NUSAP1: variants seen among roughly 807,000 people sequenced by gnomAD.
The protein encoded by NUSAP1 is nucleolar and spindle associated protein 1.
NUSAP1 carries 32 observed loss-of-function variants against 52.8 expected under a neutral mutation model. The observed-to-expected ratio is 0.61, with a 90% CI of 0.46 to 0.81. NUSAP1 has a LOEUF of 0.81. Ranked by LOEUF, NUSAP1 falls within the 40% of genes least tolerant of loss-of-function variation. NUSAP1 has a pLI of 0.00. For missense variants in NUSAP1, 499 were observed against 522.3 expected (o/e 0.96, Z 0.43); for synonymous variants, 195 against 183.1 (o/e 1.06, Z -0.52).
chr15:41,343,425 G>C (rs2048435063), intron 2 of NUSAP1: 1 of 152,376 alleles, frequency 6.6e-6, no homozygotes, highest in Admixed American at 6.5e-5. Flanking sequence ...TGTGTTCTCA[G>C]CTCACTGCAA....
chr15:41,379,306 T>C (rs1428839918), intron 10 of NUSAP1, among the ~76,000 whole-genome samples: 2 of 151,816 alleles, frequency 1.3e-5, no homozygotes, highest in African/African-American at 4.8e-5. Context: ...TTTTTTTTTT[T>C]TTCTTAGAGA....
chr15:41,337,668 C>G (rs1199237838), intron 1 of NUSAP1, among the ~76,000 whole-genome samples: 1 of 152,170 alleles, frequency 6.6e-6, no homozygotes, highest in Non-Finnish European at 1.5e-5. Flanking sequence ...TGTGTTCCCT[C>G]TCTCCCCTCA....
intron 6 of NUSAP1, among the ~76,000 whole-genome samples, chr15:41,364,445 C>A (rs1005507593): frequency 6.6e-6 from 1 of 151,920 alleles, no homozygotes; most frequent in Non-Finnish European, 1.5e-5. Flanking sequence ...ATTTGGGAGG[C>A]TAAGGCAGGA....
At chr15:41,348,965 A>G (rs1019165761) in intron 2 of NUSAP1, 133 bp from the exon 3 acceptor site, 6 of 848,572 alleles carry the variant, frequency 7.1e-6, no homozygotes, top group African/African-American at 6.9e-5. Context: ...TTTGCCTACA[A>G]TTTACCGCTA....
At chr15:41,364,031 A>G (rs2049288449) in intron 6 of NUSAP1, among the ~76,000 whole-genome samples, 2 of 151,186 alleles carry the variant, frequency 1.3e-5, no homozygotes, top group Non-Finnish European at 3.0e-5. Flanking sequence ...AAGATCTCCT[A>G]ATGTTGCCCA....
chr15:41,349,769 T>TA (rs1190208546), intron 3 of NUSAP1, among the ~76,000 whole-genome samples: 3 of 147,882 alleles, frequency 2.0e-5, no homozygotes, highest in African/African-American at 7.4e-5. Flanking sequence ...TTCTTTTCTT[T>TA]TTTTTTTTTT....
chr15:41,365,086 T>G (rs941271094), intron 6 of NUSAP1, among the ~76,000 whole-genome samples: 1 of 152,150 alleles, frequency 6.6e-6, no homozygotes, highest in African/African-American at 2.4e-5. Context: ...AAATGAGGAA[T>G]GAAACAGGGA....
At chr15:41,379,992 T>C (rs771309066) in intron 10 of NUSAP1, 101 bp from the exon 11 acceptor site, 38 of 757,674 alleles carry the variant, frequency 5.0e-5, no homozygotes, top group Non-Finnish European at 7.5e-5. Flanking sequence ...GTATGCTGGA[T>C]GTCATTGCTT....
intron 7 of NUSAP1, among the ~76,000 whole-genome samples, chr15:41,369,150 A>G (rs2049551932): frequency 2.0e-5 from 3 of 152,050 alleles, no homozygotes; most frequent in African/African-American, 4.8e-5. Flanking sequence ...GGATGAAGCG[A>G]TCTTCCTGCC....
chr15:41,358,159 G>C lies in NUSAP1; in HGVS notation c.561G>C (p.Lys187Asn), dbSNP rs1270299758. The stretch of plus-strand genomic sequence containing the variant: ...ATTGGAACATTCTAGACTTTAAGAA[G>C]CTTCATGAAGCTCATTTTAAGGAAA... ...RTAITTPNFK[K>N]LHEAHFKEME... Residue 187 changes from lysine to asparagine, a missense_variant, in exon 6 of 11, where the codon AAG becomes AAC. Coordinates refer to ENST00000559596, the MANE Select transcript of NUSAP1 (RefSeq NM_016359.5). 3.4e-6 allele frequency: 5 copies of C among 1,479,446 alleles called. No individual in the cohort carries two copies. Among genetic ancestry groups the C allele is most frequent in the East Asian group, 4.5e-5 (2 of 44,096 alleles). 91.6% of individuals were successfully genotyped at this position (1,479,446 alleles called of 1,614,324 possible).
At chr15:41,337,939 T>C (rs1326149543) in intron 1 of NUSAP1, among the ~76,000 whole-genome samples, 1 of 142,602 alleles carries the variant, frequency 7.0e-6, no homozygotes, top group Non-Finnish European at 1.5e-5. Context: ...TTCTTTTTTT[T>C]TTTTTTTTTT....
chr15:41,356,775 A>C (rs984424514), intron 5 of NUSAP1, among the ~76,000 whole-genome samples: 1 of 152,238 alleles, frequency 6.6e-6, no homozygotes, highest in Non-Finnish European at 1.5e-5. Context: ...GAATCAATGT[A>C]TGAACTACTT....
chr15:41,334,800 G>A (rs2048058836), intron 1 of NUSAP1, among the ~76,000 whole-genome samples: 2 of 151,578 alleles, frequency 1.3e-5, no homozygotes, highest in Non-Finnish European at 1.5e-5. Flanking sequence ...CTCCCGCCAC[G>A]GCCTCCCGAA....
chr15:41,359,989 C>G (rs1477943727), intron 6 of NUSAP1, among the ~76,000 whole-genome samples: 1 of 151,504 alleles, frequency 6.6e-6, no homozygotes, highest in African/African-American at 2.4e-5. Context: ...GACTCAGTCT[C>G]ACTCTGTCAC....
intron 4 of NUSAP1, 36 bp from the exon 5 acceptor site, chr15:41,356,003 T>C (rs1350518079): frequency 7.3e-7 from 1 of 1,368,330 alleles, no homozygotes; most frequent in South Asian, 1.2e-5. Context: ...AGAACTTTTT[T>C]GAAATCCTTC....
intron 8 of NUSAP1, among the ~76,000 whole-genome samples, chr15:41,372,497 A>G (rs1012412219): frequency 1.3e-5 from 2 of 150,616 alleles, no homozygotes; most frequent in East Asian, 4.2e-4. Context: ...AATACTCTTA[A>G]ACATGTCTCC....
intron 6 of NUSAP1, among the ~76,000 whole-genome samples, chr15:41,363,475 G>C (rs2049269202): frequency 6.6e-6 from 1 of 151,836 alleles, no homozygotes; most frequent in African/African-American, 2.4e-5. Context: ...CCTGGGCTCA[G>C]GTGATCCTCA....
chr15:41,346,572 T>C (rs1464431569), intron 2 of NUSAP1, among the ~76,000 whole-genome samples: 1 of 151,944 alleles, frequency 6.6e-6, no homozygotes, highest in African/African-American at 2.4e-5. Context: ...CTCAGGCCTG[T>C]AATCCCAGCA....
Position 41,377,280 on chromosome 15 carries a change from A to C in NUSAP1, c.1208A>C (p.Tyr403Ser). The change falls in exon 10 of 11, where the codon TAC becomes TCC. Residue 403 changes from tyrosine to serine, a missense_variant. By Grantham distance (144) the Tyr-to-Ser change is moderately radical (BLOSUM62 -2). Transcript: ENST00000559596. Reference protein sequence around the residue: ...VNRINFYKKTYKQPHLQTKEE... With the variant: ...VNRINFYKKTSKQPHLQTKEE... The stretch of plus-strand genomic sequence containing the variant: ...AGAATTAACTTCTACAAGAAAACTT[A>C]CAAACAACCCCATCTCCAGACAAAG... 3 of 1,515,864 alleles carry C rather than the reference A, an allele frequency of 2.0e-6. No homozygotes were observed. The highest frequency in any genetic ancestry group is 2.7e-6 in the Non-Finnish European group (3 of 1,120,584). The allele number at this position is 1,515,864 out of a possible 1,614,324, so 93.9% of individuals were successfully genotyped here.
Sources: gnomAD v4.1 joint callset for allele counts (sites outside exome capture counted in the v4.1 genomes callset) on GRCh38, gnomAD v4.1.1 for gene constraint, MANE v1.5 for transcripts, NCBI Gene and HGNC (gene_info 2026-07-23, HGNC 2026-07-21) for gene names.